Variants in NDUFA10 observed in about 807,000 individuals in gnomAD.
NDUFA10 encodes NADH:ubiquinone oxidoreductase subunit A10, also known as NADH dehydrogenase [ubiquinone] 1 alpha subcomplex subunit 10, mitochondrial.
A neutral mutation model predicts 47.8 loss-of-function variants in NDUFA10; 40 were observed. The ratio of observed to expected loss-of-function variants is 0.84; its 90% confidence interval spans 0.65 to 1.09. The LOEUF (loss-of-function observed/expected upper bound fraction) is 1.09. Ranked by LOEUF, NDUFA10 falls within the 50% of genes least tolerant of loss-of-function variation. The pLI, the probability that NDUFA10 is intolerant of heterozygous loss-of-function variation, is 0.00. For synonymous variants in NDUFA10, 183 were observed against 172.2 expected (o/e 1.06, Z -0.49); for missense variants, 413 against 451.1 (o/e 0.92, Z 0.76).
intron 3 of NDUFA10, 50 bp from the exon 4 acceptor site, chr2:240,018,689 C>T: frequency 6.4e-7 from 1 of 1,561,414 alleles, no homozygotes; most frequent in Non-Finnish European, 8.8e-7. Flanking sequence ...GATAGCAAAG[C>T]ACTGTCAACT....
chr2:240,001,509 GAGGCTCAGAGAGGTTAGGCCCCTTGCCC>G (rs1189388405), intron 8 of NDUFA10, among the ~76,000 whole-genome samples: 7 of 152,206 alleles, frequency 4.6e-5, no homozygotes, highest in Non-Finnish European at 1.0e-4. Flanking sequence ...CAAGGAGACA[GAGGCTCAGAGAGGTTAGGCCCCTTGCCC>G]AGGGGCACAG....
At chr2:240,001,933 T>C (rs1283635784) in intron 8 of NDUFA10, among the ~76,000 whole-genome samples, 2 of 152,114 alleles carry the variant, frequency 1.3e-5, no homozygotes, top group African/African-American at 2.4e-5. Context: ...CCACCTGGAG[T>C]AGGCACTGTA....
intron 4 of NDUFA10, among the ~76,000 whole-genome samples, chr2:239,909,852 C>T (rs547157026): frequency 6.6e-6 from 1 of 151,868 alleles, no homozygotes; most frequent in South Asian, 2.1e-4. Context: ...GCAATCTACC[C>T]ATCCGACAAA....
chr2:239,898,922 T>G (rs114062828), intron 4 of NDUFA10, among the ~76,000 whole-genome samples: 5,843 of 125,702 alleles, frequency 0.046, 124 homozygotes, highest in South Asian at 0.072. Context: ...TGGAAGGTTG[T>G]GATGGAGGGG....
intron 1 of NDUFA10, among the ~76,000 whole-genome samples, chr2:240,023,098 A>G (rs1333214234): frequency 6.6e-6 from 1 of 152,180 alleles, no homozygotes; most frequent in Non-Finnish European, 1.5e-5. Context: ...GACCTGCTTC[A>G]ATGCCTGTCT....
intron 1 of NDUFA10, among the ~76,000 whole-genome samples, chr2:240,023,354 CA>C (rs1025667560): frequency 6.6e-6 from 1 of 152,010 alleles, no homozygotes; most frequent in African/African-American, 2.4e-5. Context: ...TACAAAAAAA[CA>C]AAAGACTATT....
At chr2:239,913,413 C>T (rs1360156246) in intron 4 of NDUFA10, among the ~76,000 whole-genome samples, 2 of 152,254 alleles carry the variant, frequency 1.3e-5, no homozygotes, top group Admixed American at 6.5e-5. Context: ...CCACGATGGG[C>T]GGGCTGGCCT....
At chr2:239,990,962 AATT>A (rs1473890884) in intron 8 of NDUFA10, among the ~76,000 whole-genome samples, 9 of 152,196 alleles carry the variant, frequency 5.9e-5, no homozygotes, top group Admixed American at 5.9e-4. Flanking sequence ...CAAAGAAAAT[AATT>A]ATTTTCAACA....
intron 4 of NDUFA10, among the ~76,000 whole-genome samples, chr2:239,943,692 G>T (rs1029728926): frequency 7.9e-5 from 12 of 152,132 alleles, no homozygotes; most frequent in Non-Finnish European, 1.6e-4. Context: ...TGCCTGATTT[G>T]GGAAGCAGGC....
intron 4 of NDUFA10, among the ~76,000 whole-genome samples, chr2:239,948,054 C>T (rs1227035229): frequency 6.6e-6 from 1 of 152,184 alleles, no homozygotes; most frequent in Non-Finnish European, 1.5e-5. Context: ...GAGGTGAGGT[C>T]GGGGGACAAG....
intron 5 of NDUFA10, chr2:240,014,007 C>T (rs978265446): frequency 6.6e-6 from 1 of 152,248 alleles, no homozygotes; most frequent in Non-Finnish European, 1.5e-5. Context: ...TGGCGTGAAC[C>T]CGGGAGGCGG....
intron 4 of NDUFA10, among the ~76,000 whole-genome samples, chr2:239,931,324 C>T (rs1559291293): frequency 6.6e-6 from 1 of 152,200 alleles, no homozygotes; most frequent in South Asian, 2.1e-4. Flanking sequence ...AGCCCCTGCC[C>T]GTCCTCACAC....
intron 4 of NDUFA10, among the ~76,000 whole-genome samples, chr2:239,922,738 G>A (rs984672982): frequency 4.6e-5 from 7 of 152,252 alleles, no homozygotes; most frequent in Non-Finnish European, 7.3e-5. Context: ...GAGGCAGACT[G>A]TGAGGGAGAG....
intron 4 of NDUFA10, among the ~76,000 whole-genome samples, chr2:239,937,808 C>T (rs925056333): frequency 6.6e-6 from 1 of 152,210 alleles, no homozygotes; most frequent in Non-Finnish European, 1.5e-5. Context: ...AGTTTCTCCA[C>T]ATCCTTGTCA....
At chr2:239,982,544 C>T (rs989114193) in intron 9 of NDUFA10, among the ~76,000 whole-genome samples, 1 of 152,206 alleles carries the variant, frequency 6.6e-6, no homozygotes, top group African/African-American at 2.4e-5. Context: ...GCTCCTTGGG[C>T]TCTGGCATGT....
At chr2:239,927,352 AGACTT>A (rs1694082469) in intron 4 of NDUFA10, among the ~76,000 whole-genome samples, 1 of 152,242 alleles carries the variant, frequency 6.6e-6, no homozygotes, top group Admixed American at 6.5e-5. Context: ...ATGAAGTAAA[AGACTT>A]AGAGTAAGCT....
At chr2:240,013,519 T>C (rs551441189) in intron 5 of NDUFA10, 6 of 152,350 alleles carry the variant, frequency 3.9e-5, no homozygotes, top group African/African-American at 1.4e-4. Flanking sequence ...GAACTTGCAG[T>C]TCCCTCCTTT....
In NDUFA10 at chr2:240,014,809, G is replaced by A. The variant is rs140102385; in HGVS notation, c.599C>T (p.Pro200Leu). 84 of 1,614,030 alleles carry A rather than the reference G, an allele frequency of 5.2e-5. No homozygotes were observed. In the African/African-American group the frequency reaches 1.1e-3, roughly 20 times the overall value. ...VKSVTICDYL[P>L]PHLVIYIDVP... is the part of the protein sequence containing the mutation. ...ATCGATGTAAATCACCAGGTGGGGG[G>A]GCAGGTAATCGCAGATGGTGACGCT... Residue 200 changes from proline (P) to leucine (L), a missense_variant, in exon 5 of 10, where the codon CCC (proline) becomes CTC (leucine). Transcript: ENST00000252711.
At chr2:239,967,196 T>C (rs1050108958) in intron 9 of NDUFA10, among the ~76,000 whole-genome samples, 2 of 152,244 alleles carry the variant, frequency 1.3e-5, no homozygotes, top group African/African-American at 2.4e-5. Flanking sequence ...AACGCCAAGA[T>C]GCTGCTCCAG....
Sources: allele counts gnomAD v4.1 joint callset (sites outside exome capture counted in the v4.1 genomes callset), GRCh38; gene constraint gnomAD v4.1.1; transcripts MANE v1.5; gene names NCBI Gene and HGNC (gene_info 2026-07-23, HGNC 2026-07-21).